The following ZC3H8 variants were observed in gnomAD, a reference collection of about 807,000 sequenced individuals.
The protein encoded by ZC3H8 is zinc finger CCCH-type containing 8.
ZC3H8 carries 27 observed loss-of-function variants against 42.5 expected under a neutral mutation model. That is an observed-to-expected ratio of 0.64 (90% confidence interval 0.47 to 0.88). The LOEUF (loss-of-function observed/expected upper bound fraction) is 0.88. ZC3H8 is among the 40% of genes least tolerant of loss of function. ZC3H8 has a pLI of 0.00. For synonymous variants in ZC3H8, 101 were observed against 110.1 expected, an observed-to-expected ratio of 0.92 and a Z score of 0.52; for missense variants, 277 against 336.1, an observed-to-expected ratio of 0.82 and a Z score of 1.37.
At chr2:112,240,729 G>T (rs547630807) in intron 2 of ZC3H8, among the ~76,000 whole-genome samples, 23 of 152,108 alleles carry the variant, frequency 1.5e-4, no homozygotes, top group Non-Finnish European at 2.9e-4. Flanking sequence ...TTTTCAGAGG[G>T]CATTGAAATA....
intron 2 of ZC3H8, among the ~76,000 whole-genome samples, chr2:112,247,183 C>A (rs761433219): frequency 1.3e-5 from 2 of 152,186 alleles, no homozygotes; most frequent in Non-Finnish European, 2.9e-5. Context: ...AGCTTTACTG[C>A]AATATTTGTT....
intron 1 of ZC3H8, among the ~76,000 whole-genome samples, chr2:112,252,995 G>A (rs942578130): frequency 2.0e-5 from 3 of 152,138 alleles, no homozygotes; most frequent in Non-Finnish European, 2.9e-5. Flanking sequence ...TACGTCGGGC[G>A]TGGTGGCAGG....
chr2:112,255,030 A>G lies in ZC3H8; in HGVS notation c.-49T>C, dbSNP rs1373031992. The G allele has an allele frequency of 6.5e-7, 1 of 1,549,802 alleles. No individual in the cohort carries two copies. The highest frequency in any genetic ancestry group is 2.4e-5 in the East Asian group (1 of 42,048). On this transcript the variant is annotated 5_prime_UTR_variant, in exon 1 of 9. Coordinates refer to ENST00000409573, the MANE Select transcript of ZC3H8 (RefSeq NM_032494.3). ...GCGAGCCGGGAAGCTACAGAGTAAC[A>G]ACCCGAGAGAGTGACAACCCGGACG...
intron 8 of ZC3H8, among the ~76,000 whole-genome samples, chr2:112,228,001 A>G (rs1429220448): frequency 2.0e-5 from 3 of 152,256 alleles, no homozygotes; most frequent in Non-Finnish European, 4.4e-5. Flanking sequence ...TTTGAAAAGT[A>G]GAACAAAGCT....
chr2:112,254,054 A>G, intron 1 of ZC3H8: 1 of 927,952 alleles, frequency 1.1e-6, no homozygotes, highest in Non-Finnish European at 1.3e-6. Context: ...TCTTCTCTTT[A>G]AGTTTGTTTT....
chr2:112,227,722 C>A (rs756818815), intron 8 of ZC3H8, among the ~76,000 whole-genome samples: 1 of 152,100 alleles, frequency 6.6e-6, no homozygotes, highest in Admixed American at 6.5e-5. Context: ...CAATTCCATT[C>A]AATAGCATCA....
intron 2 of ZC3H8, among the ~76,000 whole-genome samples, chr2:112,239,541 A>G (rs1215382436): frequency 6.8e-6 from 1 of 147,826 alleles, no homozygotes; most frequent in Non-Finnish European, 1.5e-5. Flanking sequence ...AAGAATCGCT[A>G]TTATAAAATA....
intron 8 of ZC3H8, among the ~76,000 whole-genome samples, chr2:112,227,871 A>G (rs1684915804): frequency 8.2e-6 from 1 of 121,942 alleles, no homozygotes. Flanking sequence ...TCTATGTGCA[A>G]TTTTCCACAG....
chr2:112,254,383 T>C (rs565978892), intron 1 of ZC3H8, among the ~76,000 whole-genome samples: 1 of 152,362 alleles, frequency 6.6e-6, no homozygotes, highest in South Asian at 2.1e-4. Flanking sequence ...ATTGTGGTCT[T>C]TAGGGTCTTT....
intron 2 of ZC3H8, among the ~76,000 whole-genome samples, chr2:112,242,461 G>A (rs960300826): frequency 2.0e-5 from 3 of 152,130 alleles, no homozygotes; most frequent in Non-Finnish European, 4.4e-5. Context: ...TCATCACTTC[G>A]TAGAGATGCT....
chr2:112,251,103 ATAT>A (rs1207431141), intron 1 of ZC3H8, among the ~76,000 whole-genome samples: 2 of 152,242 alleles, frequency 1.3e-5, no homozygotes, highest in Admixed American at 1.3e-4. Flanking sequence ...GCTGAAGAAA[ATAT>A]TATCTTAGTA....
At chr2:112,249,948 A>G (rs1685890238) in intron 2 of ZC3H8, among the ~76,000 whole-genome samples, 1 of 149,938 alleles carries the variant, frequency 6.7e-6, no homozygotes, top group African/African-American at 2.5e-5. Context: ...AAATGCAATT[A>G]TTAAACATAT....
rs957446558 is a variant in ZC3H8 at position 112,254,165 on chromosome 2, T to A, written c.74+743A>T. ...GAGTGAACAGCTGACCAATATCGAA[T>A]GGTAAAATCAATCACAACTGGAAAT... On this transcript the variant is annotated intron_variant, in intron 1 of 8. Transcript: ENST00000409573. The A allele has an allele frequency of 2.3e-5, 23 of 984,862 alleles. No homozygotes were observed. The African/African-American group carries it at 4.0e-4, about 17-fold the overall frequency. 61.0% of individuals were successfully genotyped at this position (984,862 alleles called of 1,614,324 possible).
intron 8 of ZC3H8, among the ~76,000 whole-genome samples, chr2:112,224,815 G>GAGAA (rs1684744624): frequency 6.6e-6 from 1 of 152,220 alleles, no homozygotes; most frequent in Admixed American, 6.5e-5. Flanking sequence ...TAAGGTCTGA[G>GAGAA]AGAAGGAGAA....
intron 2 of ZC3H8, among the ~76,000 whole-genome samples, chr2:112,249,332 T>G (rs1011812130): frequency 6.6e-6 from 1 of 152,182 alleles, no homozygotes; most frequent in African/African-American, 2.4e-5. Flanking sequence ...CTAGGGGAGA[T>G]GAATGAATAG....
In ZC3H8 at chr2:112,215,557, G is replaced by C. The variant is rs1164610715; in HGVS notation, c.*927C>G. 6.6e-6 allele frequency: 1 copy of C among 152,178 alleles called. No homozygotes were observed. Among genetic ancestry groups the C allele is most frequent in the South Asian group, 2.1e-4 (1 of 4,828 alleles). 9.4% of individuals were successfully genotyped at this position (152,178 alleles called of 1,614,324 possible). ...AGTATCACTAGCTTTGGTGTACTCT[G>C]TATGTCCAGCAAGTTGGTAATACTA... On this transcript the variant is annotated 3_prime_UTR_variant, in exon 9 of 9. Transcript: ENST00000409573.
At chr2:112,238,737 A>C in intron 2 of ZC3H8, 1 of 439,200 alleles carries the variant, frequency 2.3e-6, no homozygotes, top group Non-Finnish European at 4.0e-6. Flanking sequence ...AAAACAAACT[A>C]ACAAACCACT....
chr2:112,233,289 G>T lies in ZC3H8; in HGVS notation c.704C>A (p.Thr235Asn). Residue 235 changes from threonine (T) to asparagine (N), a missense_variant, in exon 6 of 9, where the codon ACC becomes AAC. Physicochemically the swap from Thr to Asn is moderately conservative, Grantham distance 65. Coordinates refer to ENST00000409573, the MANE Select transcript of ZC3H8 (RefSeq NM_032494.3). ...MCKFYVQGYCTRGENCLYLHN... is the reference protein window; with the variant it reads ...MCKFYVQGYCNRGENCLYLHN... ...CAAATACAGACAGTTTTCACCTCTG[G>T]TACAATATCCTTGTACATAAAACTT... The T allele has an allele frequency of 5.0e-6, 8 of 1,597,136 alleles. No individual in the cohort carries two copies. The highest frequency in any genetic ancestry group is 6.8e-6 in the Non-Finnish European group (8 of 1,170,884).
At chr2:112,218,459 T>C (rs1455824397) in intron 8 of ZC3H8, among the ~76,000 whole-genome samples, 1 of 152,188 alleles carries the variant, frequency 6.6e-6, no homozygotes, top group Non-Finnish European at 1.5e-5. Context: ...TGATCTTCTA[T>C]GTAGAAAACC....
Sources: gnomAD v4.1 joint callset for allele counts (sites outside exome capture counted in the v4.1 genomes callset) on GRCh38, gnomAD v4.1.1 for gene constraint, MANE v1.5 for transcripts, NCBI Gene and HGNC (gene_info 2026-07-23, HGNC 2026-07-21) for gene names.